BMP15: variants seen among roughly 807,000 people sequenced by gnomAD.
The protein encoded by BMP15 is bone morphogenetic protein 15.
A neutral mutation model predicts 4.4 loss-of-function variants in BMP15; 5 were observed. The observed-to-expected ratio is 1.13, with a 90% CI of 0.59 to 2.38. The LOEUF is 2.38. BMP15 is among the 30% of genes most tolerant of loss of function. BMP15 has a pLI of 0.01. For synonymous variants in BMP15, 125 were observed against 114.6 expected (o/e 1.09, Z -0.58); for missense variants, 339 against 309.8 (o/e 1.09, Z -0.71).
chrX:50,911,269 C>G (rs1557279963), intron 1 of BMP15, among the ~76,000 whole-genome samples, 158 bp downstream of exon 1: 2 of 113,038 alleles, frequency 1.8e-5, no homozygotes, highest in African/African-American at 6.4e-5. Flanking sequence ...TTGGAGAAGC[C>G]AGCGCCAAGC....
At chrX:50,912,832 A>T (rs782217545) in intron 1 of BMP15, among the ~76,000 whole-genome samples, 1 of 111,827 alleles carries the variant, frequency 8.9e-6, no homozygotes, top group South Asian at 3.8e-4. Context: ...CTATCAAAGG[A>T]TGAAGTAGGT....
At chrX:50,915,227 A>G (rs1601953819) in intron 1 of BMP15, among the ~76,000 whole-genome samples, 1 of 111,679 alleles carries the variant, frequency 9.0e-6, no homozygotes, top group Non-Finnish European at 1.9e-5. Context: ...TGTTGTCCCA[A>G]AGCTGCATCT....
Position 50,916,523 on chromosome X carries a change from T to A in BMP15, c.1095T>A (p.Ile365=). ...GTGTCCCGTATAAGTATGTTCCAAT[T>A]AGTGTCCTTATGATTGAGGCAAATG... ...PSCVPYKYVP[I]SVLMIEANGS... Residue 365 remains isoleucine, a synonymous_variant, in exon 2 of 2, where the codon ATT becomes ATA. Transcript: ENST00000252677. 8.3e-7 allele frequency: 1 copy of A among 1,211,295 alleles called. No homozygotes were observed. Among genetic ancestry groups the A allele is most frequent in the Non-Finnish European group, 1.1e-6 (1 of 895,299 alleles).
chrX:50,912,202 T>C (rs782493776), intron 1 of BMP15, among the ~76,000 whole-genome samples: 1 of 111,845 alleles, frequency 8.9e-6, no homozygotes, highest in African/African-American at 3.2e-5. Flanking sequence ...GCCTACTTGA[T>C]AGGTGAAGAA....
At chrX:50,915,686 G>T in intron 1 of BMP15, 71 bp from the exon 2 acceptor site, 2 of 1,178,120 alleles carry the variant, frequency 1.7e-6, no homozygotes, top group Non-Finnish European at 2.3e-6. Context: ...TATCAAGACA[G>T]TTTATGAGGA....
At position 50,916,038 on chromosome X, in the gene BMP15, C is replaced by T. The variant is rs991314787; in HGVS notation, c.610C>T (p.Arg204Ter). 4 of 1,211,917 alleles carry T rather than the reference C, an allele frequency of 3.3e-6. No homozygotes were observed. The highest frequency in any genetic ancestry group is 1.8e-5 in the South Asian group (1 of 57,002). Residue 204 changes from arginine (R) to a stop codon, truncating the protein, a stop_gained, in exon 2 of 2, where the codon CGA (arginine) becomes TGA (stop). Coordinates refer to ENST00000252677, the MANE Select transcript of BMP15 (RefSeq NM_005448.2). LOFTEE classifies it low-confidence loss of function (END_TRUNC). ...GAATAACAAGGGACACAGGATCCTA[C>T]GACTCCGTTTTATGTGTCAGCAGCA... ...FWNNKGHRILRLRFMCQQQKD... is the reference protein window; with the variant it reads ...FWNNKGHRIL
Position 50,916,462 on chromosome X carries a change from A to G in BMP15, c.1034A>G (p.Asn345Ser), listed in dbSNP as rs1347878613. 2.5e-6 allele frequency: 3 copies of G among 1,209,226 alleles called. No homozygotes were observed. The highest frequency in any genetic ancestry group is 3.4e-6 in the Non-Finnish European group (3 of 895,123). The change falls in exon 2 of 2, where the codon AAT becomes AGT. Residue 345 changes from asparagine to serine, a missense_variant. By Grantham distance (46) the Asn-to-Ser change is conservative (BLOSUM62 1). Coordinates refer to ENST00000252677, the MANE Select transcript of BMP15 (RefSeq NM_005448.2). Reference protein sequence around the residue: ...PNHAIIQNLINQLVDQSVPRP... With the variant: ...PNHAIIQNLISQLVDQSVPRP... ...CACGCCATTATTCAGAACCTTATCA[A>G]TCAGTTGGTGGACCAGAGTGTCCCC...
At position 50,910,907 on chromosome X, in the gene BMP15, T is replaced by C. The variant is rs1557279894; in HGVS notation, c.124T>C (p.Leu42=). 8.3e-7 allele frequency: 1 copy of C among 1,199,152 alleles called. No homozygotes were observed. The highest frequency in any genetic ancestry group is 1.1e-6 in the Non-Finnish European group (1 of 888,745). The part of the protein sequence containing the change: ...SIALLAEAPT[L]PLIEELLEES... ...TGCCCTTCTGGCTGAGGCCCCTACTTTGCCCCTGATTGAGGAGCTGCTAGA... is the reference window on the plus strand; with the variant it reads ...TGCCCTTCTGGCTGAGGCCCCTACTCTGCCCCTGATTGAGGAGCTGCTAGA... Residue 42 remains leucine, a synonymous_variant, in exon 1 of 2, where the codon TTG becomes CTG. Coordinates refer to ENST00000252677, the MANE Select transcript of BMP15 (RefSeq NM_005448.2).
intron 1 of BMP15, among the ~76,000 whole-genome samples, 176 bp downstream of exon 1, chrX:50,911,287 C>T (rs1923010430): frequency 8.8e-6 from 1 of 113,096 alleles, no homozygotes; most frequent in Non-Finnish European, 1.9e-5. Flanking sequence ...AGCCTACTTC[C>T]CTTTAGGGCA....
rs781787652 is a variant in BMP15 at position 50,915,750 on chromosome X, T to G, written c.329-7T>G. The G allele has an allele frequency of 8.3e-7, 1 of 1,209,783 alleles. No individual in the cohort carries two copies. The highest frequency in any genetic ancestry group is 1.8e-5 in the African/African-American group (1 of 57,116). On this transcript the variant is annotated splice_region_variant and splice_polypyrimidine_tract_variant and intron_variant, in intron 1 of 1. Transcript: ENST00000252677. ...ACCTCTGCTCTTGTTCCCTCTTACT[T>G]CTGCAGGTACCTGGCATATACAGAT...
intron 1 of BMP15, among the ~76,000 whole-genome samples, chrX:50,911,836 C>T (rs782058673): frequency 1.8e-5 from 2 of 111,594 alleles, no homozygotes; most frequent in South Asian, 7.6e-4. Context: ...CTTTGGGATT[C>T]TGGGACTAAG....
At chrX:50,914,268 A>G (rs1186419792) in intron 1 of BMP15, among the ~76,000 whole-genome samples, 2 of 106,165 alleles carry the variant, frequency 1.9e-5, no homozygotes, top group Non-Finnish European at 3.9e-5. Flanking sequence ...CACCGCGCCC[A>G]GCCGGAATTT....
intron 1 of BMP15, among the ~76,000 whole-genome samples, chrX:50,915,389 C>T (rs1923104368): frequency 9.0e-6 from 1 of 110,901 alleles, no homozygotes; most frequent in Admixed American, 9.6e-5. Context: ...GTTTTTTCCC[C>T]CGAGCCCAGC....
chrX:50,916,616 G>A lies in BMP15; in HGVS notation c.*9G>A. 1.7e-6 allele frequency: 2 copies of A among 1,211,038 alleles called. No homozygotes were observed. The highest frequency in any genetic ancestry group is 2.2e-6 in the Non-Finnish European group (2 of 895,358). On this transcript the variant is annotated 3_prime_UTR_variant, in exon 2 of 2. Coordinates refer to ENST00000252677, the MANE Select transcript of BMP15 (RefSeq NM_005448.2). Reference sequence around the variant, plus strand: ...CTTGTACATGCAGATGACAGCAACAGTACGGCTAGATCAGGTTTCCCAGGA... The same window carrying A: ...CTTGTACATGCAGATGACAGCAACAATACGGCTAGATCAGGTTTCCCAGGA...
rs1557280311 is a variant in BMP15 at position 50,916,105 on chromosome X, C to T, written c.677C>T (p.Ser226Phe). ...GGLELWHGTSSLDIAFLLLYF... is the reference protein window; with the variant it reads ...GGLELWHGTSFLDIAFLLLYF... ...CTTGAGCTCTGGCATGGCACTTCAT[C>T]CTTGGACATTGCCTTCTTGTTACTC... The change falls in exon 2 of 2, where the codon TCC (serine) becomes TTC (phenylalanine). Residue 226 changes from serine to phenylalanine, a missense_variant. Ser to Phe is a radical substitution (Grantham distance 155, BLOSUM62 -2). Transcript: ENST00000252677. The T allele has an allele frequency of 8.3e-7, 1 of 1,211,768 alleles. No individual in the cohort carries two copies.
At position 50,915,741 on chromosome X, in the gene BMP15, C is replaced by T. The variant is rs781824738; in HGVS notation, c.329-16C>T. The T allele has an allele frequency of 1.2e-5, 14 of 1,209,071 alleles. No individual in the cohort carries two copies. The highest frequency in any genetic ancestry group is 1.5e-5 in the Non-Finnish European group (13 of 894,883). On this transcript the variant is annotated splice_polypyrimidine_tract_variant and intron_variant, in intron 1 of 1. Coordinates refer to ENST00000252677, the MANE Select transcript of BMP15 (RefSeq NM_005448.2). ...AGAAGCTAAACCTCTGCTCTTGTTC[C>T]CTCTTACTTCTGCAGGTACCTGGCA...
At chrX:50,914,747 G>A (rs1923091396) in intron 1 of BMP15, among the ~76,000 whole-genome samples, 1 of 111,858 alleles carries the variant, frequency 8.9e-6, no homozygotes, top group Non-Finnish European at 1.9e-5. Context: ...GAAGATGAGA[G>A]GTGGCTTTTT....
At chrX:50,911,375 C>G (rs180782655) in intron 1 of BMP15, among the ~76,000 whole-genome samples, 1 of 112,761 alleles carries the variant, frequency 8.9e-6, no homozygotes, top group Admixed American at 9.3e-5. Context: ...GATGTGCCAT[C>G]ACCTATCTTT....
chrX:50,914,495 G>C (rs1051511693), intron 1 of BMP15, among the ~76,000 whole-genome samples: 8 of 111,784 alleles, frequency 7.2e-5, no homozygotes, highest in Non-Finnish European at 1.5e-4. Context: ...GCTGAGGTGA[G>C]AGGATCTCTT....
Sources: gnomAD v4.1 joint callset for allele counts (sites outside exome capture counted in the v4.1 genomes callset) on GRCh38, gnomAD v4.1.1 for gene constraint, MANE v1.5 for transcripts, NCBI Gene and HGNC (gene_info 2026-07-23, HGNC 2026-07-21) for gene names.